ZSWIM1: variants seen among roughly 807,000 people sequenced by gnomAD.
ZSWIM1 encodes the protein zinc finger SWIM-type containing 1.
Under a neutral mutation model 29.3 loss-of-function variants are expected in ZSWIM1, and 22 were observed. That is an observed-to-expected ratio of 0.75 (90% CI 0.54 to 1.07). ZSWIM1 has a LOEUF of 1.07. Among genes scored for constraint, ZSWIM1 ranks in the 50% least tolerant of loss-of-function variants. ZSWIM1 has a pLI of 0.00. For synonymous variants in ZSWIM1, 228 were observed against 240.8 expected (o/e 0.95, Z 0.49); for missense variants, 511 against 596.2 (o/e 0.86, Z 1.49).
chr20:45,881,606 A>G (rs1455596472), intron 1 of ZSWIM1, among the ~76,000 whole-genome samples: 1 of 152,154 alleles, frequency 6.6e-6, no homozygotes, highest in Admixed American at 6.6e-5. Context: ...GTCTGGGGCC[A>G]AATAGAGGAA....
At chr20:45,881,652 A>G (rs1368264868) in intron 1 of ZSWIM1, among the ~76,000 whole-genome samples, 1 of 152,196 alleles carries the variant, frequency 6.6e-6, no homozygotes, top group Non-Finnish European at 1.5e-5. Context: ...AAAGAGGGAT[A>G]TAGTAGAGGC....
At chr20:45,881,388 C>T (rs1986256511) in intron 1 of ZSWIM1, 127 bp downstream of exon 1, 1 of 152,230 alleles carries the variant, frequency 6.6e-6, no homozygotes, top group Admixed American at 6.5e-5. Context: ...CTGGGAATGT[C>T]AGACATCCAC....
chr20:45,882,714 AG>A lies in ZSWIM1; in HGVS notation c.124del (p.Asp42ThrfsTer17). ...ALTMLNGLLI[K>X]DSSPPMLLHQ... ...ACAATGCTGAATGGGCTCCTGATTA[AG>A]GACTCAAGCCCACCTATGCTGCTGC... is the stretch of plus-strand genomic sequence containing the variant. On this transcript the variant is annotated frameshift_variant, in exon 2 of 2. Coordinates refer to ENST00000372523, the MANE Select transcript of ZSWIM1 (RefSeq NM_080603.5). LOFTEE classifies it low-confidence loss of function (END_TRUNC). 6.2e-7 allele frequency: 1 copy of A among 1,614,266 alleles called. No individual in the cohort carries two copies. The highest frequency in any genetic ancestry group is 8.5e-7 in the Non-Finnish European group (1 of 1,180,046).
rs768494481 is a variant in ZSWIM1, at chr20:45,884,132, A to G, written c.*82A>G. The stretch of plus-strand genomic sequence containing the variant: ...CACACACACACACACACACACACAC[A>G]CACACACACACTCCCTTACACTGTT... On this transcript the variant is annotated 3_prime_UTR_variant, in exon 2 of 2. Transcript: ENST00000372523. 8.5e-5 allele frequency: 123 copies of G among 1,445,176 alleles called. No individual in the cohort carries two copies. The Middle Eastern group carries it at 1.3e-3, about 15-fold the overall frequency. 89.5% of individuals were successfully genotyped at this position (1,445,176 alleles called of 1,614,324 possible). A position where few individuals can be genotyped will look rare whatever the true frequency, so the allele number is the denominator to read the frequency against.
rs1271695364 is a variant in ZSWIM1 at position 45,882,703 on chromosome 20, G to A, written c.111G>A (p.Gly37=). 1 of 1,614,214 alleles carries A rather than the reference G, an allele frequency of 6.2e-7. No individual in the cohort carries two copies. The change falls in exon 2 of 2, where the codon GGG becomes GGA. Residue 37 remains glycine, a synonymous_variant. Transcript: ENST00000372523. ...CCATGGCCCTGACAATGCTGAATGGGCTCCTGATTAAGGACTCAAGCCCAC... is the reference window on the plus strand; with the variant it reads ...CCATGGCCCTGACAATGCTGAATGGACTCCTGATTAAGGACTCAAGCCCAC... ...ISPMALTMLN[G]LLIKDSSPPM... is the part of the protein sequence containing the mutation.
rs1986374725 is a variant in ZSWIM1, at chr20:45,883,725, C to T, written c.1133C>T (p.Pro378Leu). 6.2e-7 allele frequency: 1 copy of T among 1,614,126 alleles called. No homozygotes were observed. ...GATACCCATAAGGTGCAGCCCCAGC[C>T]CCCTGCCAGCTGCAGCTGCTACTTT... ...LEDTHKVQPQ[P>L]PASCSCYFNQ... The change falls in exon 2 of 2, where the codon CCC becomes CTC. Residue 378 changes from proline to leucine, a missense_variant. Pro to Leu is a moderately conservative substitution (Grantham distance 98). Transcript: ENST00000372523.
In ZSWIM1 at chr20:45,884,103, C is replaced by CAG; in HGVS notation, c.*54_*55insGA. 2 of 1,461,470 alleles carry CAG rather than the reference C, an allele frequency of 1.4e-6. No homozygotes were observed. 90.5% of individuals were successfully genotyped at this position (1,461,470 alleles called of 1,614,324 possible). A position where few individuals can be genotyped will look rare whatever the true frequency, so the allele number is the denominator to read the frequency against. On this transcript the variant is annotated 3_prime_UTR_variant, in exon 2 of 2. Transcript: ENST00000372523. Reference sequence around the variant, plus strand: ...GCACCTGTGCACACTCACATCCACCCATACACACACACACACACACACACA... The same window carrying CAG: ...GCACCTGTGCACACTCACATCCACCCAGATACACACACACACACACACACACA...
intron 1 of ZSWIM1, among the ~76,000 whole-genome samples, chr20:45,882,190 C>T (rs754885109): frequency 3.7e-4 from 56 of 152,268 alleles, no homozygotes; most frequent in Non-Finnish European, 6.6e-4. Flanking sequence ...CAGCTCTGGC[C>T]ATACCTATTT....
Position 45,885,253 on chromosome 20 carries a change from T to C in ZSWIM1, c.*1203T>C, listed in dbSNP as rs1209394620. On this transcript the variant is annotated 3_prime_UTR_variant, in exon 2 of 2. Coordinates refer to ENST00000372523, the MANE Select transcript of ZSWIM1 (RefSeq NM_080603.5). ...CCATCCTGGGGTCAATAAAACTGAA[T>C]GTTGCATATTCTAGCACTTGTCTAG... 6.0e-6 allele frequency: 1 copy of C among 166,372 alleles called. No homozygotes were observed. The highest frequency in any genetic ancestry group is 1.5e-5 in the Non-Finnish European group (1 of 68,108). The allele number at this position is 166,372 out of a possible 1,614,324, so 10.3% of individuals were successfully genotyped here.
In ZSWIM1 at chr20:45,882,908, G is replaced by A; in HGVS notation, c.316G>A (p.Gly106Ser). ...LVDGPRVQLEGHLARAVYFAI... is the reference protein window; with the variant it reads ...LVDGPRVQLESHLARAVYFAI... ...GGATGGACCTCGGGTGCAGCTGGAG[G>A]GTCATCTTGCCCGAGCAGTCTACTT... Residue 106 changes from glycine (G) to serine (S), a missense_variant, in exon 2 of 2, where the codon GGT becomes AGT. Gly to Ser is a moderately conservative substitution (Grantham distance 56). Coordinates refer to ENST00000372523, the MANE Select transcript of ZSWIM1 (RefSeq NM_080603.5). 1 of 1,614,190 alleles carries A rather than the reference G, an allele frequency of 6.2e-7. No individual in the cohort carries two copies. The highest frequency in any genetic ancestry group is 8.5e-7 in the Non-Finnish European group (1 of 1,180,030).
upstream of ZSWIM1, among the ~76,000 whole-genome samples, chr20:45,881,056 A>G (rs1047841377): frequency 3.9e-5 from 6 of 152,144 alleles, no homozygotes; most frequent in Non-Finnish European, 1.5e-5. Context: ...CTTTACCTCC[A>G]GCCAGCTCCT....
rs1986360467 is a variant in ZSWIM1 at position 45,883,452 on chromosome 20, A to G, written c.860A>G (p.Gln287Arg). The change falls in exon 2 of 2, where the codon CAG (glutamine) becomes CGG (arginine). Residue 287 changes from glutamine (Q) to arginine (R), a missense_variant. Gln to Arg is a conservative substitution (Grantham distance 43). Coordinates refer to ENST00000372523, the MANE Select transcript of ZSWIM1 (RefSeq NM_080603.5). Reference protein sequence around the residue: ...QGMASLFRYMQQNSADKANFN... With the variant: ...QGMASLFRYMRQNSADKANFN... The stretch of plus-strand genomic sequence containing the variant: ...ATGGCTTCTCTGTTCCGTTACATGC[A>G]GCAGAACTCTGCAGACAAGGCAAAC... 3.1e-6 allele frequency: 5 copies of G among 1,614,224 alleles called. No homozygotes were observed.
rs1362384037 is a variant in ZSWIM1, at chr20:45,882,570, A to G, written c.-23A>G. ...AAAAAAGATCTGGGAATGATTGTCT[A>G]GCCTCCAGCCTCAACTTACTTGATG... On this transcript the variant is annotated 5_prime_UTR_variant, in exon 2 of 2. The change abolishes the stop of an existing upstream ORF in the 5' untranslated region. Coordinates refer to ENST00000372523, the MANE Select transcript of ZSWIM1 (RefSeq NM_080603.5). 6.3e-7 allele frequency: 1 copy of G among 1,596,206 alleles called. No homozygotes were observed. The highest frequency in any genetic ancestry group is 8.5e-7 in the Non-Finnish European group (1 of 1,171,194).
rs1436955482 is a variant in ZSWIM1, at chr20:45,884,597, C to G, written c.*547C>G. The G allele has an allele frequency of 4.8e-5, 8 of 166,502 alleles. No homozygotes were observed. 10.3% of individuals were successfully genotyped at this position (166,502 alleles called of 1,614,324 possible). The stretch of plus-strand genomic sequence containing the variant: ...CAGGATGGTCTCGATCTCCTGACTT[C>G]GTGATCTGCCCGCCTCGGCCTCCCA... On this transcript the variant is annotated 3_prime_UTR_variant, in exon 2 of 2. Transcript: ENST00000372523.
At chr20:45,881,511 C>T (rs1986261211) in intron 1 of ZSWIM1, among the ~76,000 whole-genome samples, 1 of 152,206 alleles carries the variant, frequency 6.6e-6, no homozygotes, top group Admixed American at 6.5e-5. Flanking sequence ...ACTCAACTTT[C>T]AGCTACTTAC....
At position 45,883,642 on chromosome 20, in the gene ZSWIM1, G is replaced by T; in HGVS notation, c.1050G>T (p.Gln350His). The change falls in exon 2 of 2, where the codon CAG (glutamine) becomes CAT (histidine). Residue 350 changes from glutamine to histidine, a missense_variant. By Grantham distance (24) the Gln-to-His change is conservative (BLOSUM62 0). Coordinates refer to ENST00000372523, the MANE Select transcript of ZSWIM1 (RefSeq NM_080603.5). ...QLCLGELAVV[Q>H]KSTHLIGSGS... ...GCCTGGGCGAGCTTGCTGTGGTCCA[G>T]AAATCCACACACCTCATTGGCTCTG... 6.2e-7 allele frequency: 1 copy of T among 1,614,180 alleles called. No homozygotes were observed. Among genetic ancestry groups the T allele is most frequent in the Non-Finnish European group, 8.5e-7 (1 of 1,180,036 alleles).
At position 45,882,734 on chromosome 20, in the gene ZSWIM1, C is replaced by T; in HGVS notation, c.142C>T (p.Leu48=). Residue 48 remains leucine, a synonymous_variant, in exon 2 of 2, where the codon CTG becomes TTG. Coordinates refer to ENST00000372523, the MANE Select transcript of ZSWIM1 (RefSeq NM_080603.5). The part of the protein sequence containing the change: ...LLIKDSSPPM[L]LHQVNKTAQL... ...GATTAAGGACTCAAGCCCACCTATG[C>T]TGCTGCACCAGGTTAACAAGACTGC... is the stretch of plus-strand genomic sequence containing the variant. The T allele has an allele frequency of 6.2e-7, 1 of 1,614,272 alleles. No individual in the cohort carries two copies. Among genetic ancestry groups the T allele is most frequent in the African/African-American group, 1.3e-5 (1 of 75,074 alleles).
Position 45,882,994 on chromosome 20 carries a change from GT to G in ZSWIM1, c.405del (p.Phe135LeufsTer23). ...LAQMFQVFKKFNPAWERVCTI... is the reference protein window; with the variant it reads ...LAQMFQVFKKXNPAWERVCTI... ...CCCAGATGTTCCAAGTATTCAAGAA[GT>G]TTAATCCAGCATGGGAGAGAGTCTG... On this transcript the variant is annotated frameshift_variant, in exon 2 of 2. Coordinates refer to ENST00000372523, the MANE Select transcript of ZSWIM1 (RefSeq NM_080603.5). LOFTEE classifies it high-confidence loss of function. The G allele has an allele frequency of 6.2e-7, 1 of 1,614,174 alleles. No homozygotes were observed. Among genetic ancestry groups the G allele is most frequent in the Non-Finnish European group, 8.5e-7 (1 of 1,180,020 alleles).
chr20:45,880,987 G>T (rs777873493), upstream of ZSWIM1, among the ~76,000 whole-genome samples: 3 of 152,166 alleles, frequency 2.0e-5, no homozygotes, highest in African/African-American at 7.2e-5. Flanking sequence ...CAGTCGCCTA[G>T]CCTGAAGGGA....
Sources: gnomAD v4.1 joint callset for allele counts (sites outside exome capture counted in the v4.1 genomes callset) on GRCh38, gnomAD v4.1.1 for gene constraint, MANE v1.5 for transcripts, NCBI Gene and HGNC (gene_info 2026-07-23, HGNC 2026-07-21) for gene names.